TRIOBP: variants seen among roughly 807,000 people sequenced by gnomAD.
TRIOBP encodes TRIO and F-actin binding protein, also known as TRIO and F-actin-binding protein.
In TRIOBP, 169 loss-of-function variants were observed where a neutral mutation model predicts 238.8. The observed-to-expected ratio is 0.71, with a 90% CI of 0.62 to 0.80. The LOEUF is 0.80. TRIOBP is among the 30% of genes least tolerant of loss of function. The pLI is 0.00. For missense variants in TRIOBP, 2,838 were observed against 3,122.6 expected, an observed-to-expected ratio of 0.91 and a Z score of 2.17; for synonymous variants, 1,150 against 1,274.4, an observed-to-expected ratio of 0.90 and a Z score of 2.08.
chr22:37,758,682 T>TAAA (rs563727998), intron 16 of TRIOBP, among the ~76,000 whole-genome samples: 4 of 124,980 alleles, frequency 3.2e-5, no homozygotes, highest in Non-Finnish European at 6.3e-5. Context: ...TGTCTCAGAT[T>TAAA]AAAAAAAAAA....
chr22:37,712,044 T>C (rs552007926), intron 4 of TRIOBP, among the ~76,000 whole-genome samples: 53 of 152,086 alleles, frequency 3.5e-4, no homozygotes, highest in Non-Finnish European at 6.5e-4. Context: ...TTGGGGTCAG[T>C]AGACTAAGAC....
chr22:37,733,813 G>GTT (rs1388634816), intron 8 of TRIOBP, among the ~76,000 whole-genome samples: 1 of 152,038 alleles, frequency 6.6e-6, no homozygotes, highest in Non-Finnish European at 1.5e-5. Flanking sequence ...TGGGATTACA[G>GTT]GCGTGTGCCA....
In TRIOBP at chr22:37,713,410, T is replaced by C. The variant is rs762955207; in HGVS notation, c.455T>C (p.Val152Ala). 2.2e-5 allele frequency: 36 copies of C among 1,612,520 alleles called. No homozygotes were observed. The East Asian group carries it at 5.1e-4, about 23-fold the overall frequency. ...GATGATACCAGCAACTCGTCCTCTG[T>C]GGTGAGCCAGGAGTGGGAGTTTGGG... Reference protein sequence around the residue: ...TPDDTSNSSSVDWDTVERQEE... With the variant: ...TPDDTSNSSSADWDTVERQEE... The change falls in exon 5 of 24, where the codon GTG becomes GCG. Residue 152 changes from valine to alanine, a missense_variant and splice_region_variant. By Grantham distance (64) the Val-to-Ala change is moderately conservative. Transcript: ENST00000644935.
At position 37,735,064 on chromosome 22, in the gene TRIOBP, T is replaced by C. The variant is rs112874177; in HGVS notation, c.4728T>C (p.Arg1576=). 2.4e-4 allele frequency: 382 copies of C among 1,606,826 alleles called. No homozygotes were observed. The African/African-American group carries it at 4.2e-3, about 18-fold the overall frequency. ...LRAPGEGVWA[R]VPSLDWEGLL... ...CACCAGGAGAGGGGGTCTGGGCCCG[T>C]GTCCCCAGCCTGGACTGGGAGGGCC... Residue 1576 remains arginine, a synonymous_variant, in exon 9 of 24, where the codon CGT becomes CGC. Coordinates refer to ENST00000644935, the MANE Select transcript of TRIOBP (RefSeq NM_001039141.3).
chr22:37,729,457 GCTCCCACCTTGGCCTCCCAAAGTGT>G (rs1303089686), intron 7 of TRIOBP, among the ~76,000 whole-genome samples: 1 of 151,406 alleles, frequency 6.6e-6, no homozygotes, highest in East Asian at 1.9e-4. Flanking sequence ...CTCAAGCAAT[GCTCCCACCTTGGCCTCCCAAAGTGT>G]CTTTGACCTT....
chr22:37,769,212 G>C, intron 20 of TRIOBP, 25 bp downstream of exon 20: 6 of 1,591,998 alleles, frequency 3.8e-6, no homozygotes, highest in Non-Finnish European at 3.4e-6. Flanking sequence ...AGGTTGGGGG[G>C]ACACGGGTGG....
chr22:37,744,240 C>G (rs1925104918), intron 11 of TRIOBP, among the ~76,000 whole-genome samples: 1 of 152,028 alleles, frequency 6.6e-6, no homozygotes, highest in South Asian at 2.1e-4. Flanking sequence ...GAACTCCTGA[C>G]CTCAGGTGAT....
chr22:37,750,992 C>A, intron 11 of TRIOBP: 1 of 372,794 alleles, frequency 2.7e-6, no homozygotes, highest in Non-Finnish European at 5.6e-6. Flanking sequence ...GCAGAGGGAC[C>A]GGGACTTAGA....
chr22:37,721,307 C>T (rs1923818161), intron 6 of TRIOBP, among the ~76,000 whole-genome samples: 1 of 152,190 alleles, frequency 6.6e-6, no homozygotes, highest in African/African-American at 2.4e-5. Context: ...GCCACCGTGC[C>T]TGGCAACCTT....
At chr22:37,765,194 T>C (rs951365545) in intron 17 of TRIOBP, among the ~76,000 whole-genome samples, 4 of 152,130 alleles carry the variant, frequency 2.6e-5, no homozygotes, top group African/African-American at 9.7e-5. Flanking sequence ...GGCAGAAGAA[T>C]CACTTGAACC....
intron 7 of TRIOBP, among the ~76,000 whole-genome samples, chr22:37,730,328 CT>C (rs1924364094): frequency 6.6e-6 from 1 of 152,166 alleles, no homozygotes; most frequent in Non-Finnish European, 1.5e-5. Flanking sequence ...GTTTCAGAAT[CT>C]TCTTGAGTCC....
intron 15 of TRIOBP, among the ~76,000 whole-genome samples, chr22:37,757,312 A>G (rs1308144703): frequency 2.6e-5 from 4 of 152,186 alleles, no homozygotes; most frequent in Non-Finnish European, 4.4e-5. Flanking sequence ...GCAGTGAACT[A>G]TGATCACACC....
intron 7 of TRIOBP, among the ~76,000 whole-genome samples, chr22:37,730,946 C>T (rs1395041122): frequency 9.5e-5 from 8 of 83,852 alleles, no homozygotes; most frequent in Non-Finnish European, 1.2e-4. Context: ...GACTCCATCT[C>T]AAAAAAAAAA....
At chr22:37,701,659 A>G (rs976559797) in intron 3 of TRIOBP, among the ~76,000 whole-genome samples, 180 bp downstream of exon 3, 1 of 152,230 alleles carries the variant, frequency 6.6e-6, no homozygotes, top group Non-Finnish European at 1.5e-5. Flanking sequence ...CACAATCTTC[A>G]GTCACTTTCC....
chr22:37,731,453 T>C (rs1924417173), intron 7 of TRIOBP, among the ~76,000 whole-genome samples: 1 of 43,096 alleles, frequency 2.3e-5, no homozygotes, highest in Non-Finnish European at 8.0e-5. Context: ...CCCAACCCCA[T>C]ATATATATAT....
intron 18 of TRIOBP, among the ~76,000 whole-genome samples, chr22:37,767,295 ACT>A (rs1268150938): frequency 1.8e-5 from 1 of 54,878 alleles, no homozygotes; most frequent in African/African-American, 5.6e-5. Context: ...ACAGAGTGAG[ACT>A]CTGTCTCAAA....
intron 4 of TRIOBP, 92 bp downstream of exon 4, chr22:37,710,658 C>A (rs1416826227): frequency 1.3e-6 from 2 of 1,487,448 alleles, no homozygotes; most frequent in African/African-American, 1.4e-5. Flanking sequence ...CAGCACCTGT[C>A]TCTAATGGCT....
At chr22:37,699,054 T>C (rs1922505624) in intron 2 of TRIOBP, among the ~76,000 whole-genome samples, 1 of 151,808 alleles carries the variant, frequency 6.6e-6, no homozygotes, top group African/African-American at 2.4e-5. Flanking sequence ...TGAGGTAGAA[T>C]TGCTTGAACC....
At chr22:37,709,558 C>T (rs917173159) in intron 3 of TRIOBP, among the ~76,000 whole-genome samples, 2 of 152,168 alleles carry the variant, frequency 1.3e-5, no homozygotes, top group African/African-American at 4.8e-5. Context: ...AGTCGACAGC[C>T]ACCACCACCA....
Sources: allele counts gnomAD v4.1 joint callset (sites outside exome capture counted in the v4.1 genomes callset), GRCh38; gene constraint gnomAD v4.1.1; transcripts MANE v1.5; gene names NCBI Gene and HGNC (gene_info 2026-07-23, HGNC 2026-07-21).